CTSH: variants seen among roughly 807,000 people sequenced by gnomAD.
CTSH encodes the protein cathepsin H, also known as pro-cathepsin H.
In CTSH, 52 loss-of-function variants were observed where a neutral mutation model predicts 56.3. That is an observed-to-expected ratio of 0.92 (90% CI 0.74 to 1.16). The LOEUF (loss-of-function observed/expected upper bound fraction) is 1.16. Among genes scored for constraint, CTSH ranks in the 50% most tolerant of loss-of-function variants. The pLI, the probability that CTSH is intolerant of heterozygous loss-of-function variation, is 0.00. For synonymous variants in CTSH, 174 were observed against 155.7 expected (o/e 1.12, Z -0.88); for missense variants, 406 against 424.5 (o/e 0.96, Z 0.38).
At chr15:78,928,290 G>A (rs369536664) in intron 8 of CTSH, among the ~76,000 whole-genome samples, 2 of 151,958 alleles carry the variant, frequency 1.3e-5, no homozygotes, top group East Asian at 1.9e-4. Flanking sequence ...AGAGTTGGCC[G>A]GGCACGGTGG....
In CTSH at chr15:78,927,658, G is replaced by A; in HGVS notation, c.699+55C>T. 6 of 1,522,546 alleles carry A rather than the reference G, an allele frequency of 3.9e-6. No individual in the cohort carries two copies. In the Admixed American group the frequency reaches 1.0e-4, roughly 25 times the overall value. 94.3% of individuals were successfully genotyped at this position (1,522,546 alleles called of 1,614,324 possible). ...GCCCACTGGCTATCCGACAGCATGA[G>A]AGAGGCCTCCTCATCAGGACACATT... On this transcript the variant is annotated intron_variant, in intron 9 of 11. Transcript: ENST00000220166.
Position 78,931,514 on chromosome 15 carries a change from A to G in CTSH, c.493-8T>C, listed in dbSNP as rs1301847530. ...CACCAGCTGCTGTTCCGCCTGGAAG[A>G]AGGACACAACCCAGTGACCTGCCAG... On this transcript the variant is annotated splice_region_variant and splice_polypyrimidine_tract_variant and intron_variant, in intron 6 of 11. Transcript: ENST00000220166. 2 of 1,614,126 alleles carry G rather than the reference A, an allele frequency of 1.2e-6. No individual in the cohort carries two copies. Among genetic ancestry groups the G allele is most frequent in the Non-Finnish European group, 1.7e-6 (2 of 1,180,042 alleles).
At chr15:78,934,025 G>A (rs1042909873) in intron 5 of CTSH, among the ~76,000 whole-genome samples, 9 of 152,156 alleles carry the variant, frequency 5.9e-5, no homozygotes, top group Admixed American at 3.9e-4. Context: ...TTTAGGTTAC[G>A]TGTTGCTCTG....
At chr15:78,931,353 T>C (rs1037923941) in intron 7 of CTSH, 98 bp downstream of exon 7, 1 of 1,509,598 alleles carries the variant, frequency 6.6e-7, no homozygotes, top group African/African-American at 1.4e-5. Context: ...AGGGCAGTGG[T>C]GGGTTATATC....
intron 7 of CTSH, among the ~76,000 whole-genome samples, chr15:78,930,000 A>T (rs986896240): frequency 6.6e-6 from 1 of 152,038 alleles, no homozygotes; most frequent in Non-Finnish European, 1.5e-5. Context: ...ATAAACAAAA[A>T]CTCAGCAGCT....
intron 1 of CTSH, 29 bp downstream of exon 1, chr15:78,944,862 C>T: frequency 6.5e-7 from 1 of 1,542,934 alleles, no homozygotes; most frequent in Admixed American, 2.0e-5. Context: ...CCTGCTAGCA[C>T]CCTCTCGGGC....
intron 5 of CTSH, among the ~76,000 whole-genome samples, chr15:78,933,848 C>A (rs1260757213): frequency 1.3e-5 from 2 of 152,242 alleles, no homozygotes; most frequent in Admixed American, 6.5e-5. Flanking sequence ...TATCCCCACA[C>A]AGCGGCCACA....
chr15:78,924,043 C>G (rs73470384), intron 10 of CTSH, among the ~76,000 whole-genome samples: 9,787 of 137,734 alleles, frequency 0.071, 1,056 homozygotes, highest in East Asian at 0.51. Flanking sequence ...CCTGAGGGCT[C>G]TGACAGTGGG....
In CTSH at chr15:78,929,477, C is replaced by T; in HGVS notation, c.565G>A (p.Ala189Thr). The change falls in exon 8 of 12, where the codon GCT becomes ACT. Residue 189 changes from alanine to threonine, a missense_variant. Physicochemically the swap from Ala to Thr is moderately conservative, Grantham distance 58. Transcript: ENST00000220166. ...HGCQGGLPSQ[A>T]FEYILYNKGI... ...TTGTTGTACAGGATATACTCGAAAG[C>T]CTGGCTGGGGAGACCCCTGCAAGAA... The T allele has an allele frequency of 6.2e-7, 1 of 1,610,930 alleles. No individual in the cohort carries two copies. The highest frequency in any genetic ancestry group is 8.5e-7 in the Non-Finnish European group (1 of 1,178,368).
intron 10 of CTSH, among the ~76,000 whole-genome samples, chr15:78,924,119 A>T (rs1016363408): frequency 4.4e-4 from 1 of 2,282 alleles, no homozygotes; most frequent in African/African-American, 2.3e-3. Context: ...GAGGGTGGGC[A>T]GGGTGGGTCA....
intron 1 of CTSH, among the ~76,000 whole-genome samples, chr15:78,942,212 CTTCT>C (rs1567382065): frequency 1.5e-5 from 2 of 137,158 alleles, no homozygotes; most frequent in East Asian, 2.5e-4. Context: ...CCTTTCTTTC[CTTCT>C]TTTTTTTTTT....
At chr15:78,933,189 G>GAAC (rs2055103433) in intron 5 of CTSH, among the ~76,000 whole-genome samples, 1 of 152,236 alleles carries the variant, frequency 6.6e-6, no homozygotes, top group Non-Finnish European at 1.5e-5. Flanking sequence ...GTGGGGGGCT[G>GAAC]CAGCCTGCCT....
rs1274212868 is a variant in CTSH, at chr15:78,932,653, C to T, written c.406-195G>A. On this transcript the variant is annotated intron_variant, in intron 5 of 11. Transcript: ENST00000220166. ...TTCCAGATCCATTCATTCTGAGGCT[C>T]GCAAGCCCTGTTCCAGATCCATTCA... 2.0e-5 allele frequency among the ~76,000 whole-genome samples: 3 copies of T among 149,122 alleles called. No homozygotes were observed. In the South Asian group the frequency reaches 6.2e-4, roughly 31 times the overall value.
At chr15:78,923,882 A>C (rs2054833476) in intron 10 of CTSH, among the ~76,000 whole-genome samples, 1 of 152,154 alleles carries the variant, frequency 6.6e-6, no homozygotes, top group Admixed American at 6.5e-5. Flanking sequence ...AACAAACTGC[A>C]GTGGTCAGGT....
chr15:78,929,422 T>C lies in CTSH; in HGVS notation c.620A>G (p.Tyr207Cys). ...GGCTGTTGGAGTTACCTTGCCCTGG[T>C]AGGGGTAGGTGTCTTCACCCATGAT... ...KGIMGEDTYP[Y>C]QGKDGYCKFQ... The change falls in exon 8 of 12, where the codon TAC (tyrosine) becomes TGC (cysteine). Residue 207 changes from tyrosine to cysteine, a missense_variant. Coordinates refer to ENST00000220166, the MANE Select transcript of CTSH (RefSeq NM_004390.5). 6.2e-7 allele frequency: 1 copy of C among 1,612,238 alleles called. No homozygotes were observed. The highest frequency in any genetic ancestry group is 8.5e-7 in the Non-Finnish European group (1 of 1,178,902).
intron 5 of CTSH, 126 bp downstream of exon 5, chr15:78,934,852 C>T: frequency 1.4e-6 from 1 of 735,582 alleles, no homozygotes; most frequent in South Asian, 1.5e-5. Flanking sequence ...TGGAGAGATG[C>T]CGAGAGGAAA....
intron 1 of CTSH, among the ~76,000 whole-genome samples, chr15:78,941,710 G>A (rs906839219): frequency 2.0e-5 from 3 of 149,386 alleles, no homozygotes; most frequent in Admixed American, 2.0e-4. Context: ...GCAGGAGAAT[G>A]GCGTGAACCC....
At chr15:78,937,228 C>T in intron 3 of CTSH, 90 bp downstream of exon 3, 1 of 1,027,666 alleles carries the variant, frequency 9.7e-7, no homozygotes, top group South Asian at 1.3e-5. Context: ...GGCTTCTGCT[C>T]CCTCCACCCA....
At chr15:78,938,878 A>G (rs1372276019) in intron 2 of CTSH, among the ~76,000 whole-genome samples, 2 of 152,158 alleles carry the variant, frequency 1.3e-5, no homozygotes, top group East Asian at 1.9e-4. Flanking sequence ...ATTCTCCACA[A>G]TGTGCTTTGA....
Sources: allele counts gnomAD v4.1 joint callset (sites outside exome capture counted in the v4.1 genomes callset), GRCh38; gene constraint gnomAD v4.1.1; transcripts MANE v1.5; gene names NCBI Gene and HGNC (gene_info 2026-07-23, HGNC 2026-07-21).